Variants in TYW1B observed in about 807,000 individuals in gnomAD.
The protein encoded by TYW1B is tRNA-yW synthesizing protein 1 homolog B, also known as S-adenosyl-L-methionine-dependent tRNA 4-demethylwyosine synthase TYW1B.
In TYW1B, 73 loss-of-function variants were observed where a neutral mutation model predicts 86.9. That is an observed-to-expected ratio of 0.84 (90% CI 0.70 to 1.02). TYW1B has a LOEUF of 1.02. Among genes scored for constraint, TYW1B ranks in the 50% least tolerant of loss-of-function variants. The pLI is 0.00. For synonymous variants in TYW1B, 248 were observed against 292.8 expected, an observed-to-expected ratio of 0.85 and a Z score of 1.56; for missense variants, 637 against 827.4, an observed-to-expected ratio of 0.77 and a Z score of 2.82.
At chr7:72,647,044 G>C (rs1554442141) in intron 11 of TYW1B, among the ~76,000 whole-genome samples, 4 of 152,142 alleles carry the variant, frequency 2.6e-5, no homozygotes. Context: ...TGCAATTCAA[G>C]ACATACTGTA....
intron 11 of TYW1B, among the ~76,000 whole-genome samples, chr7:72,683,399 G>A (rs554838363): frequency 1.6e-4 from 25 of 152,040 alleles, no homozygotes; most frequent in Non-Finnish European, 3.1e-4. Flanking sequence ...GTAAAACCCC[G>A]TCTCTAGTAA....
rs58115922 is a variant in TYW1B, at chr7:72,583,135, G to T, written c.1786-7416C>A. 7.0e-3 allele frequency among the ~76,000 whole-genome samples: 1,063 copies of T among 152,228 alleles called. 13 individuals carry two copies. The highest frequency in any genetic ancestry group is 0.024 in the African/African-American group (984 of 41,534). On this transcript the variant is annotated intron_variant, in intron 13 of 13. Coordinates refer to ENST00000620995, the MANE Select transcript of TYW1B (RefSeq NM_001145440.3). ...CCCAGCACTTTGGGAGGCCAAGGTGGGTGGATCATTTGAGGTCAGGAGTTC... is the reference window on the plus strand; with the variant it reads ...CCCAGCACTTTGGGAGGCCAAGGTGTGTGGATCATTTGAGGTCAGGAGTTC...
At chr7:72,637,271 G>T (rs1483753613) in intron 11 of TYW1B, among the ~76,000 whole-genome samples, 1 of 151,648 alleles carries the variant, frequency 6.6e-6, no homozygotes, top group African/African-American at 2.4e-5. Context: ...ATCTGGGCCT[G>T]GAGTTTCCTT....
chr7:72,599,427 A>T (rs1242198390), intron 13 of TYW1B, among the ~76,000 whole-genome samples: 2 of 152,210 alleles, frequency 1.3e-5, no homozygotes, highest in Non-Finnish European at 2.9e-5. Context: ...CCTTCCGCTA[A>T]GATCATACTT....
intron 11 of TYW1B, among the ~76,000 whole-genome samples, chr7:72,693,721 C>T (rs782733735): frequency 3.3e-5 from 5 of 152,086 alleles, no homozygotes; most frequent in East Asian, 1.9e-4. Context: ...AAGGTGGTTA[C>T]GTACAGTCGG....
chr7:72,591,869 G>T (rs1446754758), intron 13 of TYW1B, among the ~76,000 whole-genome samples: 1 of 151,856 alleles, frequency 6.6e-6, no homozygotes, highest in African/African-American at 2.4e-5. Flanking sequence ...GCCCAGACTA[G>T]AGTGTGTGTA....
intron 11 of TYW1B, among the ~76,000 whole-genome samples, chr7:72,644,737 T>C (rs1369038778): frequency 2.0e-5 from 3 of 150,134 alleles, no homozygotes; most frequent in African/African-American, 2.5e-5. Context: ...TTAATGACTT[T>C]AAAAAAATTA....
rs1239640717 is a variant in TYW1B at position 72,632,285 on chromosome 7, G to GTATATATATATATATATTA, written c.1507-3289_1507-3288insTAATATATATATATATATA. ...AAAAAATATATATATATATATACGT[G>GTATATATATATATATATTA]TATATATATATATACGTGTATATAT... On this transcript the variant is annotated intron_variant, in intron 11 of 13. Coordinates refer to ENST00000620995, the MANE Select transcript of TYW1B (RefSeq NM_001145440.3). Among the ~76,000 whole-genome samples the GTATATATATATATATATTA allele has an allele frequency of 7.9e-4, 66 of 83,550 alleles. 7 individuals carry two copies. Among genetic ancestry groups the GTATATATATATATATATTA allele is most frequent in the African/African-American group, 4.7e-3 (65 of 13,842 alleles). 54.8% of individuals were successfully genotyped at this position (83,550 alleles called of 152,430 possible). A position where few individuals can be genotyped will look rare whatever the true frequency, so the allele number is the denominator to read the frequency against.
chr7:72,794,855 G>A (rs1277010730), intron 6 of TYW1B, among the ~76,000 whole-genome samples: 4 of 148,920 alleles, frequency 2.7e-5, no homozygotes, highest in South Asian at 4.3e-4. Context: ...TCTAACTCCC[G>A]TCGCCCAGAC....
intron 10 of TYW1B, among the ~76,000 whole-genome samples, chr7:72,699,072 G>A (rs533777081): frequency 9.9e-5 from 15 of 152,246 alleles, no homozygotes; most frequent in Non-Finnish European, 2.1e-4. Context: ...GCAGCGCCAT[G>A]ACTAAGGTGG....
rs1278746526 is a variant in TYW1B, at chr7:72,802,446, T to G, written c.800A>C (p.Asp267Ala). Residue 267 changes from aspartate to alanine, a missense_variant, in exon 6 of 14, where the codon GAT (aspartate) becomes GCT (alanine). Coordinates refer to ENST00000620995, the MANE Select transcript of TYW1B (RefSeq NM_001145440.3). ...EDHQSLNSIV[D>A]VEDLGKIMDH... ...CATAATTTTGCCCAAATCTTCAACA[T>G]CAACAATGGAATTTAGGCTCTGATG... 11 of 1,613,760 alleles carry G rather than the reference T, an allele frequency of 6.8e-6. No individual in the cohort carries two copies. The East Asian group carries it at 2.5e-4, about 36-fold the overall frequency.
At chr7:72,667,715 A>C (rs562436206) in intron 11 of TYW1B, among the ~76,000 whole-genome samples, 1 of 152,316 alleles carries the variant, frequency 6.6e-6, no homozygotes, top group African/African-American at 2.4e-5. Context: ...TCCAGCTCAA[A>C]AAAACAAAAC....
Position 72,765,548 on chromosome 7 carries a change from C to T in TYW1B, c.964+11868G>A, listed in dbSNP as rs186744934. Among the ~76,000 whole-genome samples the T allele has an allele frequency of 2.4e-3, 373 of 152,268 alleles. 2 individuals are homozygous for T. The highest frequency in any genetic ancestry group is 8.0e-3 in the African/African-American group (332 of 41,562). On this transcript the variant is annotated intron_variant, in intron 7 of 13. Transcript: ENST00000620995. ...TGGTGCGATCATGATTCACTGCAACCTCTACCTCCTAGGTTCAAATGATTC... is the reference window on the plus strand; with the variant it reads ...TGGTGCGATCATGATTCACTGCAACTTCTACCTCCTAGGTTCAAATGATTC...
At chr7:72,597,059 T>C (rs1456084242) in intron 13 of TYW1B, among the ~76,000 whole-genome samples, 1 of 151,964 alleles carries the variant, frequency 6.6e-6, no homozygotes. Flanking sequence ...AGAGTATTGA[T>C]AAAATTATCT....
intron 2 of TYW1B, among the ~76,000 whole-genome samples, chr7:72,825,668 ACT>A (rs1334388946): frequency 1.3e-5 from 2 of 152,098 alleles, no homozygotes; most frequent in South Asian, 2.1e-4. Context: ...ACAGAGTGAG[ACT>A]CTGTCTCAAA....
chr7:72,798,238 A>C (rs1454706914), intron 6 of TYW1B, among the ~76,000 whole-genome samples: 2 of 152,062 alleles, frequency 1.3e-5, no homozygotes, highest in African/African-American at 2.4e-5. Flanking sequence ...AAAAATACAA[A>C]AAATTAGCTG....
chr7:72,667,293 T>C (rs1286065973), intron 11 of TYW1B, among the ~76,000 whole-genome samples: 8 of 152,156 alleles, frequency 5.3e-5, no homozygotes, highest in African/African-American at 1.4e-4. Context: ...TCTGGATTTT[T>C]CCTGCACATG....
At chr7:72,621,109 G>A (rs1317502929) in intron 12 of TYW1B, among the ~76,000 whole-genome samples, 4 of 152,160 alleles carry the variant, frequency 2.6e-5, no homozygotes, top group African/African-American at 9.7e-5. Flanking sequence ...GGAGCCCAAT[G>A]GGAGGTGTTT....
chr7:72,678,770 G>C (rs1554447891), intron 11 of TYW1B, among the ~76,000 whole-genome samples: 1 of 151,936 alleles, frequency 6.6e-6, no homozygotes, highest in East Asian at 1.9e-4. Context: ...TCGATCTCTT[G>C]ACTTCATGAT....
Sources: allele counts gnomAD v4.1 joint callset (sites outside exome capture counted in the v4.1 genomes callset), GRCh38; gene constraint gnomAD v4.1.1; transcripts MANE v1.5; gene names NCBI Gene and HGNC (gene_info 2026-07-23, HGNC 2026-07-21).